Variants in ARHGAP8 observed in about 807,000 individuals in gnomAD.
ARHGAP8 encodes the protein Rho GTPase activating protein 8.
ARHGAP8 carries 62 observed loss-of-function variants against 46.1 expected under a neutral mutation model. The ratio of observed to expected loss-of-function variants is 1.34; its 90% CI spans 1.10 to 1.66. ARHGAP8 has a LOEUF of 1.66. Among genes scored for constraint, ARHGAP8 ranks in the 40% most tolerant of loss-of-function variants. ARHGAP8 has a pLI of 0.00. For synonymous variants in ARHGAP8, 375 were observed against 243.1 expected (o/e 1.54, Z -5.05); for missense variants, 923 against 568.4 (o/e 1.62, Z -6.34).
At chr22:44,859,384 C>G (rs992833311) in intron 10 of ARHGAP8, among the ~76,000 whole-genome samples, 1 of 152,128 alleles carries the variant, frequency 6.6e-6, no homozygotes, top group Non-Finnish European at 1.5e-5. Flanking sequence ...CTGTTTTTGC[C>G]ACGTGATGCA....
At chr22:44,831,000 T>C (rs191705346) in intron 7 of ARHGAP8, among the ~76,000 whole-genome samples, 510 of 152,358 alleles carry the variant, frequency 3.3e-3, no homozygotes, top group Admixed American at 6.8e-3. Context: ...CTAGATCGTT[T>C]GCCCATTTTT....
At chr22:44,756,576 A>T (rs1311532332) in intron 1 of ARHGAP8, among the ~76,000 whole-genome samples, 1 of 85,868 alleles carries the variant, frequency 1.2e-5, no homozygotes, top group Non-Finnish European at 2.3e-5. Flanking sequence ...CTCACCCCAC[A>T]CCCCGCCCCC....
intron 1 of ARHGAP8, among the ~76,000 whole-genome samples, chr22:44,764,684 T>C (rs1319117069): frequency 6.6e-6 from 1 of 152,208 alleles, no homozygotes; most frequent in African/African-American, 2.4e-5. Context: ...AGATGCTCGC[T>C]GGGGTGGTCC....
At chr22:44,862,010 G>A (rs907936067) in intron 11 of ARHGAP8, among the ~76,000 whole-genome samples, 1 of 152,212 alleles carries the variant, frequency 6.6e-6, no homozygotes, top group Non-Finnish European at 1.5e-5. Context: ...AGTGGAAGAG[G>A]AGATAGTGGG....
chr22:44,791,294 T>TATA (rs1927667310), intron 2 of ARHGAP8, among the ~76,000 whole-genome samples: 1 of 151,838 alleles, frequency 6.6e-6, no homozygotes, highest in African/African-American at 2.4e-5. Flanking sequence ...GTTGTCAGAG[T>TATA]CGACACTTGA....
intron 7 of ARHGAP8, among the ~76,000 whole-genome samples, chr22:44,829,118 CAAAAAAAAAA>C (rs57906111): frequency 2.2e-4 from 11 of 49,376 alleles, no homozygotes; most frequent in African/African-American, 8.2e-4. Flanking sequence ...ACTAAAAATA[CAAAAAAAAAA>C]AAAAAAAAAA....
At chr22:44,825,350 C>A in intron 6 of ARHGAP8, 133 bp from the exon 7 acceptor site, 1 of 816,802 alleles carries the variant, frequency 1.2e-6, no homozygotes, top group Non-Finnish European at 1.9e-6. Context: ...TGTGAGCTGG[C>A]AGTGTGGCAC....
At chr22:44,806,171 G>A (rs765706351) in intron 3 of ARHGAP8, among the ~76,000 whole-genome samples, 5 of 152,160 alleles carry the variant, frequency 3.3e-5, no homozygotes, top group Non-Finnish European at 5.9e-5. Context: ...TCAGTGGTTC[G>A]TGGACTCTTC....
intron 1 of ARHGAP8, among the ~76,000 whole-genome samples, chr22:44,770,739 T>C (rs1925938745): frequency 6.6e-6 from 1 of 152,186 alleles, no homozygotes; most frequent in South Asian, 2.1e-4. Flanking sequence ...ATGTTATCTA[T>C]GGGAGTAATT....
In ARHGAP8 at chr22:44,766,495, C is replaced by T. The variant is rs73173684; in HGVS notation, c.-72+13868C>T. Among the ~76,000 whole-genome samples the T allele has an allele frequency of 9.6e-3, 1,457 of 151,410 alleles. 5 individuals carry two copies. Among genetic ancestry groups the T allele is most frequent in the Non-Finnish European group, 0.016 (1,067 of 67,878 alleles). On this transcript the variant is annotated intron_variant, in intron 1 of 11. Coordinates refer to ENST00000356099, the MANE Select transcript of ARHGAP8 (RefSeq NM_181335.3). ...CTGTGCATATGTGTGTCTCTGTGTA[C>T]GTGTGTCTCTGTGCATGTCTGTGTG...
intron 11 of ARHGAP8, among the ~76,000 whole-genome samples, chr22:44,860,921 G>T (rs906249424): frequency 6.6e-6 from 1 of 152,030 alleles, no homozygotes; most frequent in African/African-American, 2.4e-5. Flanking sequence ...GTTGGAGAAT[G>T]TCACTTCTTG....
At chr22:44,826,370 C>G (rs1930523594) in intron 7 of ARHGAP8, among the ~76,000 whole-genome samples, 1 of 152,180 alleles carries the variant, frequency 6.6e-6, no homozygotes, top group Non-Finnish European at 1.5e-5. Flanking sequence ...TTATCAGCCA[C>G]ATGACCTTGA....
chr22:44,773,011 C>T (rs534251039), intron 1 of ARHGAP8, among the ~76,000 whole-genome samples: 174 of 152,018 alleles, frequency 1.1e-3, no homozygotes, highest in Non-Finnish European at 2.0e-3. Context: ...GATATGAGGT[C>T]TCATATGTTG....
At chr22:44,848,360 G>C (rs113752606) in intron 9 of ARHGAP8, among the ~76,000 whole-genome samples, 1 of 74,060 alleles carries the variant, frequency 1.4e-5, no homozygotes, top group Non-Finnish European at 2.5e-5. Context: ...CAGGGAAGCT[G>C]GTTTTTTTTA....
intron 1 of ARHGAP8, among the ~76,000 whole-genome samples, chr22:44,769,662 G>A (rs1050559455): frequency 6.6e-6 from 1 of 152,014 alleles, no homozygotes; most frequent in African/African-American, 2.4e-5. Context: ...CTGTGTAAAG[G>A]TTAGGCACTT....
At chr22:44,860,330 G>T (rs2070410756) in intron 11 of ARHGAP8, among the ~76,000 whole-genome samples, 2 of 152,144 alleles carry the variant, frequency 1.3e-5, no homozygotes, top group African/African-American at 4.8e-5. Context: ...GCAAGGTGTG[G>T]CGGGCTGTGC....
At chr22:44,802,450 C>G (rs572175871) in intron 3 of ARHGAP8, among the ~76,000 whole-genome samples, 4 of 152,204 alleles carry the variant, frequency 2.6e-5, no homozygotes, top group Non-Finnish European at 4.4e-5. Context: ...GGACAGTCCC[C>G]TGGTCCTAGG....
At chr22:44,764,566 C>G (rs1250229487) in intron 1 of ARHGAP8, among the ~76,000 whole-genome samples, 1 of 152,238 alleles carries the variant, frequency 6.6e-6, no homozygotes, top group Non-Finnish European at 1.5e-5. Flanking sequence ...AGCCGAGAGA[C>G]CTGGGCTGCA....
intron 7 of ARHGAP8, among the ~76,000 whole-genome samples, chr22:44,840,508 C>T (rs1931579641): frequency 6.6e-6 from 1 of 152,120 alleles, no homozygotes; most frequent in Non-Finnish European, 1.5e-5. Context: ...TAGTCTATTC[C>T]GGTTGCTATG....
Sources: allele counts gnomAD v4.1 joint callset (sites outside exome capture counted in the v4.1 genomes callset), GRCh38; gene constraint gnomAD v4.1.1; transcripts MANE v1.5; gene names NCBI Gene and HGNC (gene_info 2026-07-23, HGNC 2026-07-21).